Variants in TTC34 observed in about 807,000 individuals in gnomAD.
TTC34 encodes the protein tetratricopeptide repeat protein 34.
Under a neutral mutation model 40.7 loss-of-function variants are expected in TTC34, and 44 were observed. The observed-to-expected ratio is 1.08, with a 90% CI of 0.85 to 1.39. TTC34 has a LOEUF of 1.39. Among genes scored for constraint, TTC34 ranks in the 40% most tolerant of loss-of-function variants. The pLI, the probability that TTC34 is intolerant of heterozygous loss-of-function variation, is 0.00. For missense variants in TTC34, 884 were observed against 838.0 expected, an observed-to-expected ratio of 1.05 and a Z score of -0.68; for synonymous variants, 422 against 398.6, an observed-to-expected ratio of 1.06 and a Z score of -0.70.
intron 6 of TTC34, among the ~76,000 whole-genome samples, chr1:2,750,601 C>CCCACGG (rs1641285739): frequency 1.9e-5 from 1 of 52,374 alleles, no homozygotes; most frequent in African/African-American, 1.1e-4. Flanking sequence ...AGCAGCACCC[C>CCCACGG]ACACCCACAG....
exon 6 of TTC34, chr1:2,783,731 C>T (rs1260548585): frequency 1.9e-6 from 3 of 1,543,426 alleles, no homozygotes. Flanking sequence ...CCCAGGAACC[C>T]ATAGCAGCGG....
intron 6 of TTC34, among the ~76,000 whole-genome samples, chr1:2,655,293 C>T (rs543635494): frequency 2.8e-5 from 2 of 71,744 alleles, no homozygotes; most frequent in Admixed American, 4.5e-4. Flanking sequence ...GCTCTCACAA[C>T]CCCAGGTGAG....
intron 2 of TTC34, among the ~76,000 whole-genome samples, chr1:2,791,484 G>C (rs1342515516): frequency 6.6e-6 from 1 of 152,148 alleles, no homozygotes; most frequent in Non-Finnish European, 1.5e-5. Flanking sequence ...TTCTGGAGAG[G>C]GCAAAATACC....
chr1:2,677,844 A>C (rs1570793592), intron 6 of TTC34, among the ~76,000 whole-genome samples: 1 of 33,570 alleles, frequency 3.0e-5, no homozygotes, highest in Non-Finnish European at 5.0e-5. Context: ...CTGGAGCAGC[A>C]CCCACACCCA....
At chr1:2,677,013 C>G (rs796122286) in intron 6 of TTC34, among the ~76,000 whole-genome samples, 1 of 90,304 alleles carries the variant, frequency 1.1e-5, no homozygotes, top group Non-Finnish European at 2.3e-5. Context: ...CCACCACTCC[C>G]AGGCCAGCAT....
At chr1:2,649,648 T>C (rs564193483) in intron 6 of TTC34, among the ~76,000 whole-genome samples, 1 of 152,320 alleles carries the variant, frequency 6.6e-6, no homozygotes, top group East Asian at 1.9e-4. Flanking sequence ...TAATCGATTC[T>C]CCTGCCTCAG....
intron 6 of TTC34, chr1:2,775,275 G>C (rs1441143831): frequency 6.6e-6 from 1 of 150,934 alleles, no homozygotes; most frequent in African/African-American, 2.5e-5. Flanking sequence ...TCACATCCAG[G>C]TGAGCATCCG....
chr1:2,675,160 C>T (rs1168155596), intron 6 of TTC34, among the ~76,000 whole-genome samples: 1 of 86,176 alleles, frequency 1.2e-5, no homozygotes, highest in Non-Finnish European at 2.7e-5. Flanking sequence ...AGCACCCACA[C>T]CCCCAGGGGA....
intron 6 of TTC34, among the ~76,000 whole-genome samples, chr1:2,688,734 C>T (rs75545965): frequency 2.4e-5 from 3 of 125,878 alleles, no homozygotes; most frequent in Non-Finnish European, 4.8e-5. Flanking sequence ...GGGCACACCC[C>T]CAGGTGAGGA....
intron 6 of TTC34, among the ~76,000 whole-genome samples, chr1:2,756,566 A>C (rs1641512254): frequency 3.0e-4 from 45 of 151,488 alleles, no homozygotes; most frequent in African/African-American, 1.1e-3. Context: ...AGCATCTGAC[A>C]GCCTGAAGCA....
chr1:2,682,687 CAGCCTGGAGCAGCACCCACACA>C (rs1640132563), intron 6 of TTC34, among the ~76,000 whole-genome samples: 73 of 122,288 alleles, frequency 6.0e-4, no homozygotes, highest in Non-Finnish European at 9.2e-4. Flanking sequence ...GAGCATCCGA[CAGCCTGGAGCAGCACCCACACA>C]CCCAGGTGAG....
intron 6 of TTC34, 140 bp downstream of exon 6, chr1:2,783,469 G>A: frequency 1.2e-6 from 1 of 865,540 alleles, no homozygotes; most frequent in Non-Finnish European, 1.6e-6. Context: ...TACAGGTGGG[G>A]ATGGGAACAT....
chr1:2,686,075 C>T (rs549746351), intron 6 of TTC34, among the ~76,000 whole-genome samples: 2 of 131,490 alleles, frequency 1.5e-5, no homozygotes, highest in African/African-American at 3.1e-5. Context: ...GGAGAAGCAC[C>T]CACACCCCCA....
At chr1:2,768,353 G>A (rs1641858104) in intron 6 of TTC34, among the ~76,000 whole-genome samples, 1 of 152,000 alleles carries the variant, frequency 6.6e-6, no homozygotes, top group African/African-American at 2.4e-5. Context: ...GCTCACCTGG[G>A]GACGCGTGGA....
intron 6 of TTC34, among the ~76,000 whole-genome samples, chr1:2,692,232 C>T (rs1411583821): frequency 5.6e-5 from 3 of 53,436 alleles, no homozygotes; most frequent in African/African-American, 6.2e-5. Context: ...CATCCCCAGG[C>T]GAGCATCCGA....
chr1:2,751,494 T>A (rs1641318006), intron 6 of TTC34, among the ~76,000 whole-genome samples: 2 of 43,496 alleles, frequency 4.6e-5, no homozygotes, highest in African/African-American at 1.2e-4. Flanking sequence ...CATGCCCAGG[T>A]GAGCCTCTGA....
At chr1:2,653,264 A>T (rs1250660853) in intron 6 of TTC34, among the ~76,000 whole-genome samples, 2 of 136,890 alleles carry the variant, frequency 1.5e-5, no homozygotes, top group African/African-American at 5.6e-5. Flanking sequence ...TGAGCCTCTG[A>T]CAACCTGGAA....
At chr1:2,686,160 A>T (rs1443282269) in intron 6 of TTC34, among the ~76,000 whole-genome samples, 1 of 50,768 alleles carries the variant, frequency 2.0e-5, no homozygotes, top group South Asian at 5.9e-4. Flanking sequence ...AGCACGCATA[A>T]CCACAGGTGA....
intron 6 of TTC34, among the ~76,000 whole-genome samples, chr1:2,700,533 T>A (rs1641083871): frequency 1.2e-5 from 1 of 84,498 alleles, no homozygotes; most frequent in Admixed American, 1.4e-4. Flanking sequence ...AGAACCCCAC[T>A]CTTCCAGGTG....
Sources: allele counts gnomAD v4.1 joint callset (sites outside exome capture counted in the v4.1 genomes callset), GRCh38; gene constraint gnomAD v4.1.1; transcripts MANE v1.5; gene names NCBI Gene and HGNC (gene_info 2026-07-23, HGNC 2026-07-21).